DENND5A: variants seen among roughly 807,000 people sequenced by gnomAD.
DENND5A encodes the protein DENN domain-containing protein 5A.
In DENND5A, 64 loss-of-function variants were observed where a neutral mutation model predicts 140.3. The ratio of observed to expected loss-of-function variants is 0.46; its 90% CI spans 0.37 to 0.56. DENND5A has a LOEUF of 0.56. DENND5A is among the 20% of genes least tolerant of loss of function. The pLI, the probability that DENND5A is intolerant of heterozygous loss-of-function variation, is 0.00. For missense variants in DENND5A, 1,292 were observed against 1,593.8 expected, an observed-to-expected ratio of 0.81 and a Z score of 3.22; for synonymous variants, 605 against 607.7, an observed-to-expected ratio of 1.00 and a Z score of 0.07.
rs1183162401 is a variant in DENND5A, at chr11:9,224,322, G to A, written c.110-16690C>T. Among the ~76,000 whole-genome samples, 5 of 152,282 alleles carry A rather than the reference G, an allele frequency of 3.3e-5. No homozygotes were observed. The South Asian group carries it at 6.2e-4, about 19-fold the overall frequency. On this transcript the variant is annotated intron_variant, in intron 1 of 22. Coordinates refer to ENST00000328194, the MANE Select transcript of DENND5A (RefSeq NM_015213.4). Reference sequence around the variant, plus strand: ...TGATTCAACATATCTCAAGCCTTACGCAAATCACTTTATCTTCCTGGGCTC... The same window carrying A: ...TGATTCAACATATCTCAAGCCTTACACAAATCACTTTATCTTCCTGGGCTC...
intron 5 of DENND5A, among the ~76,000 whole-genome samples, chr11:9,188,013 C>T (rs534790233): frequency 1.3e-5 from 2 of 152,276 alleles, no homozygotes; most frequent in East Asian, 1.9e-4. Flanking sequence ...CCCCCTTATA[C>T]GGTCCCAGGT....
At chr11:9,198,315 A>C (rs970955044) in intron 4 of DENND5A, among the ~76,000 whole-genome samples, 7 of 151,964 alleles carry the variant, frequency 4.6e-5, no homozygotes, top group Non-Finnish European at 7.4e-5. Context: ...ACTTTAAAAA[A>C]AAAAAAAAAG....
In DENND5A at chr11:9,176,862, T is replaced by G. The variant is rs149740044; in HGVS notation, c.1906+1270A>C. 5.5e-3 allele frequency: 2,488 copies of G among 456,230 alleles called. 48 individuals are homozygous for G. Among genetic ancestry groups the G allele is most frequent in the African/African-American group, 0.043 (2,164 of 50,184 alleles). The allele number at this position is 456,230 out of a possible 1,614,324, so 28.3% of individuals were successfully genotyped here. Reference sequence around the variant, plus strand: ...CCAGTTCAATGTTCACTTTCACAGCTTCCCATGCACTTGAGGTTGATCATA... The same window carrying G: ...CCAGTTCAATGTTCACTTTCACAGCGTCCCATGCACTTGAGGTTGATCATA... On this transcript the variant is annotated intron_variant, in intron 8 of 22. Transcript: ENST00000328194.
At chr11:9,208,047 T>C (rs1849751735) in intron 1 of DENND5A, among the ~76,000 whole-genome samples, 1 of 152,168 alleles carries the variant, frequency 6.6e-6, no homozygotes, top group Middle Eastern at 3.2e-3. Flanking sequence ...TAAATGCATA[T>C]AAACAGTTCA....
intron 3 of DENND5A, among the ~76,000 whole-genome samples, chr11:9,206,377 T>C (rs1437998993): frequency 1.3e-5 from 2 of 152,202 alleles, no homozygotes; most frequent in South Asian, 4.1e-4. Context: ...TGACTCATCA[T>C]ATAATCTCAA....
chr11:9,223,725 C>G (rs555777709), intron 1 of DENND5A, among the ~76,000 whole-genome samples: 6 of 152,108 alleles, frequency 3.9e-5, no homozygotes, highest in African/African-American at 1.4e-4. Context: ...AGAAAAAAAG[C>G]GTAACATCTG....
intron 1 of DENND5A, among the ~76,000 whole-genome samples, chr11:9,219,760 G>C (rs1276887555): frequency 6.6e-6 from 1 of 152,206 alleles, no homozygotes; most frequent in Admixed American, 6.5e-5. Flanking sequence ...TTTTCCAAGG[G>C]ATCTGTGAGC....
intron 15 of DENND5A, 75 bp downstream of exon 15, chr11:9,150,006 C>A (rs955118565): frequency 1.3e-6 from 2 of 1,538,420 alleles, no homozygotes; most frequent in African/African-American, 2.8e-5. Context: ...GAATACTCCC[C>A]CTTCCCACAC....
intron 4 of DENND5A, among the ~76,000 whole-genome samples, chr11:9,202,344 A>T (rs1488205694): frequency 1.3e-5 from 2 of 152,168 alleles, no homozygotes; most frequent in Non-Finnish European, 2.9e-5. Context: ...TCCAAATTTG[A>T]TCAATGATAG....
In DENND5A at chr11:9,204,294, T is replaced by C; in HGVS notation, c.315A>G (p.Ala105=). Reference sequence around the variant, plus strand: ...CCCTGGGATCAGCCTGGGTCTTGAATGCCAGCCCTTTCGGCATACATAGCT... The same window carrying C: ...CCCTGGGATCAGCCTGGGTCTTGAACGCCAGCCCTTTCGGCATACATAGCT... The part of the protein sequence containing the change: ...VGMLCMPKGL[A]FKTQADPREP... Residue 105 remains alanine, a synonymous_variant, in exon 4 of 23, where the codon GCA becomes GCG. Transcript: ENST00000328194. The C allele has an allele frequency of 1.2e-6, 2 of 1,612,330 alleles. No homozygotes were observed. Among genetic ancestry groups the C allele is most frequent in the Non-Finnish European group, 1.7e-6 (2 of 1,179,926 alleles).
intron 1 of DENND5A, among the ~76,000 whole-genome samples, chr11:9,249,564 T>C (rs1316263502): frequency 6.6e-6 from 1 of 152,124 alleles, no homozygotes; most frequent in East Asian, 1.9e-4. Context: ...TTGTATTTTT[T>C]TGAGACAGAG....
chr11:9,196,384 C>T (rs1849329326), intron 4 of DENND5A, among the ~76,000 whole-genome samples: 1 of 152,090 alleles, frequency 6.6e-6, no homozygotes, highest in African/African-American at 2.4e-5. Context: ...TGGGAGGTTG[C>T]AAAACAATGA....
intron 4 of DENND5A, among the ~76,000 whole-genome samples, 199 bp from the exon 5 acceptor site, chr11:9,193,880 T>C (rs1849227473): frequency 6.6e-6 from 1 of 152,084 alleles, no homozygotes. Flanking sequence ...GACCACAAAT[T>C]GAAATAAACC....
Position 9,165,971 on chromosome 11 carries a change from T to C in DENND5A, c.2152-4A>G, listed in dbSNP as rs1487459427. The C allele has an allele frequency of 4.3e-6, 7 of 1,613,928 alleles. No individual in the cohort carries two copies. Among genetic ancestry groups the C allele is most frequent in the African/African-American group, 1.3e-5 (1 of 74,920 alleles). On this transcript the variant is annotated splice_region_variant and splice_polypyrimidine_tract_variant and intron_variant, in intron 10 of 22. Transcript: ENST00000328194. The stretch of plus-strand genomic sequence containing the variant: ...TCCTGGCTTCCTGGATGTACTTCTA[T>C]ATCAAACAGAAAAATAAAGACCCTT...
chr11:9,176,816 C>A, intron 8 of DENND5A: 1 of 448,508 alleles, frequency 2.2e-6, no homozygotes, highest in Admixed American at 2.4e-5. Flanking sequence ...GACCTTCATA[C>A]TGTTCAGGGT....
intron 12 of DENND5A, among the ~76,000 whole-genome samples, chr11:9,153,243 AC>A (rs1392923058): frequency 2.3e-5 from 3 of 132,582 alleles, no homozygotes; most frequent in Non-Finnish European, 4.7e-5. Flanking sequence ...CTCGAACCGA[AC>A]CTGGGAGGTG....
chr11:9,187,104 A>T (rs945380596), intron 5 of DENND5A, among the ~76,000 whole-genome samples: 1 of 152,180 alleles, frequency 6.6e-6, no homozygotes, highest in Non-Finnish European at 1.5e-5. Context: ...AAGAGAAGAA[A>T]GAATTGAGCT....
chr11:9,180,697 A>G, intron 6 of DENND5A, 70 bp downstream of exon 6: 1 of 1,488,362 alleles, frequency 6.7e-7, no homozygotes. Context: ...TTCTCATCCC[A>G]TACCTTACTT....
intron 10 of DENND5A, among the ~76,000 whole-genome samples, chr11:9,167,893 T>C (rs1848243119): frequency 6.6e-6 from 1 of 152,210 alleles, no homozygotes; most frequent in Admixed American, 6.5e-5. Flanking sequence ...TGTTTGATGA[T>C]GACCCCAAGT....
Sources: gnomAD v4.1 joint callset for allele counts (sites outside exome capture counted in the v4.1 genomes callset) on GRCh38, gnomAD v4.1.1 for gene constraint, MANE v1.5 for transcripts, NCBI Gene and HGNC (gene_info 2026-07-23, HGNC 2026-07-21) for gene names.